VAT1L: variants seen among roughly 807,000 people sequenced by gnomAD.
VAT1L encodes the protein vesicle amine transport 1 like.
A neutral mutation model predicts 44.1 loss-of-function variants in VAT1L; 34 were observed. The observed-to-expected ratio is 0.77, with a 90% CI of 0.59 to 1.03. The LOEUF (loss-of-function observed/expected upper bound fraction) is 1.03. Among genes scored for constraint, VAT1L ranks in the 50% least tolerant of loss-of-function variants. VAT1L has a pLI of 0.00. For missense variants in VAT1L, 615 were observed against 538.8 expected (o/e 1.14, Z -1.40); for synonymous variants, 253 against 202.2 (o/e 1.25, Z -2.13).
At chr16:77,900,999 G>A (rs925831463) in intron 7 of VAT1L, among the ~76,000 whole-genome samples, 3 of 152,066 alleles carry the variant, frequency 2.0e-5, no homozygotes, top group African/African-American at 7.2e-5. Context: ...GAGCAAGGGC[G>A]AGGAAGTTCA....
intron 2 of VAT1L, among the ~76,000 whole-genome samples, chr16:77,818,721 A>G (rs547691388): frequency 3.5e-4 from 54 of 152,324 alleles, no homozygotes; most frequent in African/African-American, 1.3e-3. Context: ...TTTACTATCA[A>G]GCCCACCCAT....
chr16:77,953,581 C>T (rs2018069394), intron 7 of VAT1L, among the ~76,000 whole-genome samples: 1 of 152,080 alleles, frequency 6.6e-6, no homozygotes, highest in Non-Finnish European at 1.5e-5. Flanking sequence ...CACTCTGTCA[C>T]CCAGGCTGGA....
chr16:77,945,320 T>C (rs987681319), intron 7 of VAT1L, among the ~76,000 whole-genome samples: 1 of 123,996 alleles, frequency 8.1e-6, no homozygotes. Flanking sequence ...TGTGTCTCAC[T>C]CTGTCGTTAA....
At chr16:77,973,771 G>C (rs2018305977) in intron 8 of VAT1L, among the ~76,000 whole-genome samples, 1 of 151,754 alleles carries the variant, frequency 6.6e-6, no homozygotes, top group African/African-American at 2.4e-5. Context: ...TGTCGCCCAG[G>C]CTGGAGTGCA....
intron 6 of VAT1L, among the ~76,000 whole-genome samples, chr16:77,880,491 C>A (rs952631007): frequency 6.6e-6 from 1 of 151,344 alleles, no homozygotes; most frequent in Non-Finnish European, 1.5e-5. Flanking sequence ...ATTTCAACAC[C>A]CCTTCCCCAG....
intron 2 of VAT1L, among the ~76,000 whole-genome samples, chr16:77,822,163 T>G (rs1323219688): frequency 6.6e-6 from 1 of 152,138 alleles, no homozygotes; most frequent in Non-Finnish European, 1.5e-5. Context: ...AGACGGAGTT[T>G]CGCTCTTGTT....
intron 7 of VAT1L, among the ~76,000 whole-genome samples, chr16:77,927,248 G>T (rs111882037): frequency 0.014 from 2,089 of 151,198 alleles, 48 homozygotes; most frequent in African/African-American, 0.047. Context: ...TGAGGCAGGA[G>T]AATGGCGTGA....
At chr16:77,888,411 A>G (rs564119308) in intron 7 of VAT1L, among the ~76,000 whole-genome samples, 1 of 152,354 alleles carries the variant, frequency 6.6e-6, no homozygotes, top group African/African-American at 2.4e-5. Flanking sequence ...CAATCCACCA[A>G]TACAGAGAAA....
chr16:77,812,973 T>G (rs2016290704), intron 1 of VAT1L, among the ~76,000 whole-genome samples: 1 of 152,176 alleles, frequency 6.6e-6, no homozygotes, highest in African/African-American at 2.4e-5. Context: ...CCAACACTAT[T>G]TCTTTTTTTG....
intron 7 of VAT1L, among the ~76,000 whole-genome samples, chr16:77,895,145 T>C (rs2017310376): frequency 1.1e-5 from 1 of 91,148 alleles, no homozygotes; most frequent in Non-Finnish European, 2.2e-5. Flanking sequence ...CTACGCACAT[T>C]CTCCCAGCTG....
intron 1 of VAT1L, among the ~76,000 whole-genome samples, chr16:77,793,631 G>A (rs1222896265): frequency 6.6e-6 from 1 of 152,280 alleles, no homozygotes; most frequent in Admixed American, 6.5e-5. Flanking sequence ...AAATTGGCTT[G>A]CAGTAGAAGG....
intron 7 of VAT1L, among the ~76,000 whole-genome samples, chr16:77,909,636 CAAAA>C (rs35074692): frequency 1.6e-4 from 14 of 87,310 alleles, no homozygotes; most frequent in East Asian, 3.3e-4. Flanking sequence ...GACTCTGTCT[CAAAA>C]AAAAAAAAAA....
Position 77,803,560 on chromosome 16 carries a change from C to T in VAT1L, c.234-13361C>T, listed in dbSNP as rs571695306. Among the ~76,000 whole-genome samples the T allele has an allele frequency of 4.0e-5, 6 of 151,832 alleles. No homozygotes were observed. The South Asian group carries it at 1.0e-3, about 26-fold the overall frequency. ...TCAGTCTCCAGAGTAGCTGGGACTA[C>T]AGGCGCCCTCCACCACGCCCGGCTA... is the stretch of plus-strand genomic sequence containing the variant. On this transcript the variant is annotated intron_variant, in intron 1 of 8. Coordinates refer to ENST00000302536, the MANE Select transcript of VAT1L (RefSeq NM_020927.3).
chr16:77,842,697 G>A (rs1482148753), intron 3 of VAT1L, among the ~76,000 whole-genome samples: 1 of 152,150 alleles, frequency 6.6e-6, no homozygotes, highest in African/African-American at 2.4e-5. Flanking sequence ...GGTTCTTACT[G>A]TAATGTCAGT....
intron 3 of VAT1L, 65 bp downstream of exon 3, chr16:77,825,526 C>A: frequency 6.6e-7 from 1 of 1,519,020 alleles, no homozygotes; most frequent in South Asian, 1.2e-5. Flanking sequence ...GTGACACCCC[C>A]CTGAGGTCTT....
Position 77,977,633 on chromosome 16 carries a change from G to A in VAT1L, c.1198G>A (p.Glu400Lys), listed in dbSNP as rs2018355208. 2.5e-6 allele frequency: 4 copies of A among 1,614,000 alleles called. No individual in the cohort carries two copies. The highest frequency in any genetic ancestry group is 1.3e-5 in the African/African-American group (1 of 74,930). ...CAGCACAGAGACCAGTGAAGCAGGG[G>A]AAGAGGAGGAGGACCACGAGGGAGA... ...NDSTETSEAG[E>K]EEEDHEGDSE... Residue 400 changes from glutamate (E) to lysine (K), a missense_variant, in exon 9 of 9, where the codon GAA (glutamate) becomes AAA (lysine). Glu to Lys is a moderately conservative substitution (Grantham distance 56). Transcript: ENST00000302536.
At position 77,834,883 on chromosome 16, in the gene VAT1L, C is replaced by T. The variant is rs58430374; in HGVS notation, c.579+9422C>T. 3.1e-3 allele frequency among the ~76,000 whole-genome samples: 470 copies of T among 152,238 alleles called. 3 individuals carry two copies. The highest frequency in any genetic ancestry group is 0.011 in the African/African-American group (446 of 41,556). ...AAATACTTCTCAGTTTGCTCATTCA[C>T]GTCATCGGAATAATAACAATGCATT... On this transcript the variant is annotated intron_variant, in intron 3 of 8. Transcript: ENST00000302536.
chr16:77,946,279 C>CTGTTTTTTTTTTTTTT (rs2017963440), intron 7 of VAT1L, among the ~76,000 whole-genome samples: 1 of 70,428 alleles, frequency 1.4e-5, no homozygotes, highest in Non-Finnish European at 2.5e-5. Flanking sequence ...GTTACTTGTT[C>CTGTTTTTTTTTTTTTT]TTTTTTTTTT....
intron 7 of VAT1L, among the ~76,000 whole-genome samples, chr16:77,955,616 T>G (rs961945942): frequency 1.3e-5 from 2 of 151,936 alleles, no homozygotes; most frequent in Non-Finnish European, 2.9e-5. Context: ...CCCCAGCTAC[T>G]TGGGAGGCTG....
Sources: allele counts gnomAD v4.1 joint callset (sites outside exome capture counted in the v4.1 genomes callset), GRCh38; gene constraint gnomAD v4.1.1; transcripts MANE v1.5; gene names NCBI Gene and HGNC (gene_info 2026-07-23, HGNC 2026-07-21).